Variants in PKP1 observed in about 807,000 individuals in gnomAD.
The protein encoded by PKP1 is plakophilin-1.
A neutral mutation model predicts 76.4 loss-of-function variants in PKP1; 27 were observed. The ratio of observed to expected loss-of-function variants is 0.35; its 90% CI spans 0.26 to 0.49. The LOEUF is 0.49. Among genes scored for constraint, PKP1 ranks in the 20% least tolerant of loss-of-function variants. PKP1 has a pLI of 0.99. For missense variants in PKP1, 964 were observed against 955.2 expected (o/e 1.01, Z -0.12); for synonymous variants, 404 against 384.2 (o/e 1.05, Z -0.60).
chr1:201,306,679 CTTT>C (rs3216545), intron 2 of PKP1, among the ~76,000 whole-genome samples: 1 of 147,102 alleles, frequency 6.8e-6, no homozygotes, highest in Non-Finnish European at 1.5e-5. Flanking sequence ...AAAACTTTTA[CTTT>C]TTTTTTTTTT....
intron 2 of PKP1, among the ~76,000 whole-genome samples, chr1:201,298,441 A>C (rs557098372): frequency 4.6e-5 from 7 of 152,218 alleles, no homozygotes; most frequent in Non-Finnish European, 1.0e-4. Context: ...ACTTATTTTT[A>C]AATCAAGAAG....
In PKP1 at chr1:201,328,780, A is replaced by G. The variant is rs771231352; in HGVS notation, c.2125A>G (p.Met709Val). ...TTTGCAGCAAGGTTTCGATAGGAAC[A>G]TGCTGGGAACCTTAGCTGGGGCCAA... ...VLRQQGFDRN[M>V]LGTLAGANSL... Residue 709 changes from methionine (M) to valine (V), a missense_variant, in exon 13 of 14, where the codon ATG becomes GTG. Physicochemically the swap from Met to Val is conservative, Grantham distance 21. Coordinates refer to ENST00000367324, the MANE Select transcript of PKP1 (RefSeq NM_001005337.3). The G allele has an allele frequency of 1.2e-6, 2 of 1,614,218 alleles. No homozygotes were observed. The highest frequency in any genetic ancestry group is 1.7e-6 in the Non-Finnish European group (2 of 1,180,022).
chr1:201,295,932 CT>C (rs1470690685), intron 2 of PKP1, among the ~76,000 whole-genome samples: 1 of 152,108 alleles, frequency 6.6e-6, no homozygotes, highest in East Asian at 1.9e-4. Flanking sequence ...CATTTCACTT[CT>C]GGTTAATTAA....
intron 2 of PKP1, among the ~76,000 whole-genome samples, chr1:201,308,965 C>T (rs745419654): frequency 2.2e-4 from 34 of 152,082 alleles, no homozygotes; most frequent in South Asian, 8.3e-4. Flanking sequence ...AGAGGGGAGT[C>T]AGTAAGGACT....
chr1:201,303,457 T>C (rs1656292294), intron 2 of PKP1, among the ~76,000 whole-genome samples: 1 of 152,222 alleles, frequency 6.6e-6, no homozygotes, highest in Non-Finnish European at 1.5e-5. Flanking sequence ...GAAAGGAAAC[T>C]TTATATCACT....
chr1:201,301,562 A>G (rs1226040180), intron 2 of PKP1, among the ~76,000 whole-genome samples: 4 of 152,158 alleles, frequency 2.6e-5, no homozygotes, highest in Non-Finnish European at 4.4e-5. Flanking sequence ...CTGGCCACAG[A>G]GAATGGAATT....
chr1:201,322,935 G>C (rs1463151424), intron 8 of PKP1, 78 bp from the exon 9 acceptor site: 1 of 1,459,354 alleles, frequency 6.9e-7, no homozygotes, highest in Non-Finnish European at 9.5e-7. Flanking sequence ...GAGGCTGGGG[G>C]GATGGGGACA....
chr1:201,310,582 G>C (rs1251248078), intron 2 of PKP1, among the ~76,000 whole-genome samples: 1 of 152,210 alleles, frequency 6.6e-6, no homozygotes, highest in Non-Finnish European at 1.5e-5. Context: ...TCACCTCCTT[G>C]TGCCTTGGAG....
chr1:201,321,736 T>C (rs897233176), intron 7 of PKP1, among the ~76,000 whole-genome samples: 2 of 152,180 alleles, frequency 1.3e-5, no homozygotes, highest in Non-Finnish European at 2.9e-5. Flanking sequence ...ACATTTGAGA[T>C]AGCTGAGGCC....
intron 6 of PKP1, chr1:201,319,748 T>A: frequency 1.3e-6 from 2 of 1,534,440 alleles, no homozygotes; most frequent in South Asian, 1.1e-5. Context: ...GAGCTTCTGG[T>A]GCCCAGCCCG....
At chr1:201,320,238 G>T in intron 6 of PKP1, 29 bp from the exon 7 acceptor site, 1 of 1,421,294 alleles carries the variant, frequency 7.0e-7, no homozygotes. Flanking sequence ...CCCTTTCTCT[G>T]CCCTCTTCCA....
rs757237829 is a variant in PKP1, at chr1:201,318,730, C to T, written c.1167C>T (p.Gly389=). The change falls in exon 6 of 14, where the codon GGC becomes GGT. Residue 389 remains glycine (G), a synonymous_variant. Transcript: ENST00000367324. ...VIIPFSGWCD[G]NSNMSREVVD... ...TTCCCTTCTCTGGCTGGTGCGATGG[C>T]AATAGCAACATGTCCCGGGAAGTGG... 6.2e-7 allele frequency: 1 copy of T among 1,611,908 alleles called. No individual in the cohort carries two copies. The highest frequency in any genetic ancestry group is 1.1e-5 in the South Asian group (1 of 90,884).
chr1:201,297,557 G>A (rs700472), intron 2 of PKP1, among the ~76,000 whole-genome samples: 1 of 152,040 alleles, frequency 6.6e-6, no homozygotes, highest in African/African-American at 2.4e-5. Context: ...CTCCTTGAAG[G>A]CCACACAGCT....
In PKP1 at chr1:201,313,183, C is replaced by G. The variant is rs1656614097; in HGVS notation, c.324C>G (p.Leu108=). 6.2e-7 allele frequency: 1 copy of G among 1,609,312 alleles called. No individual in the cohort carries two copies. The highest frequency in any genetic ancestry group is 8.5e-7 in the Non-Finnish European group (1 of 1,178,300). Residue 108 remains leucine (L), a synonymous_variant, in exon 3 of 14, where the codon CTC becomes CTG. Coordinates refer to ENST00000367324, the MANE Select transcript of PKP1 (RefSeq NM_001005337.3). The part of the protein sequence containing the change: ...SWGYPIYNGT[L]KREPDNRRFS... ...CTGGCCAGATCTACAATGGAACCCT[C>G]AAGCGGGAGCCTGACAACAGGCGCT...
At chr1:201,297,309 C>A (rs1173115601) in intron 2 of PKP1, among the ~76,000 whole-genome samples, 2 of 152,142 alleles carry the variant, frequency 1.3e-5, no homozygotes, top group Non-Finnish European at 2.9e-5. Context: ...CTCCTTCAGG[C>A]AGAAGGATCT....
At chr1:201,318,410 C>T (rs913838941) in intron 5 of PKP1, among the ~76,000 whole-genome samples, 2 of 152,228 alleles carry the variant, frequency 1.3e-5, no homozygotes, top group African/African-American at 4.8e-5. Flanking sequence ...CTGAGATGTT[C>T]CCTGCCTGCA....
chr1:201,320,063 CTCT>C (rs1656889047), intron 6 of PKP1: 1 of 713,354 alleles, frequency 1.4e-6, no homozygotes, highest in South Asian at 1.6e-5. Flanking sequence ...ATCTTTTCCT[CTCT>C]TCATTCCTTT....
intron 12 of PKP1, 130 bp from the exon 13 acceptor site, chr1:201,328,632 A>C: frequency 1.2e-6 from 1 of 805,034 alleles, no homozygotes; most frequent in Non-Finnish European, 2.2e-6. Flanking sequence ...TCGCCCTGAC[A>C]CATGTACTTA....
intron 2 of PKP1, among the ~76,000 whole-genome samples, chr1:201,305,828 T>C (rs1656352423): frequency 6.6e-6 from 1 of 152,178 alleles, no homozygotes; most frequent in Non-Finnish European, 1.5e-5. Context: ...AGTTATTTCA[T>C]ATCAGAACGG....
Sources: allele counts gnomAD v4.1 joint callset (sites outside exome capture counted in the v4.1 genomes callset), GRCh38; gene constraint gnomAD v4.1.1; transcripts MANE v1.5; gene names NCBI Gene and HGNC (gene_info 2026-07-23, HGNC 2026-07-21).